Variants in POU2F1 observed in about 807,000 individuals in gnomAD.
POU2F1 encodes POU domain, class 2, transcription factor 1.
Under a neutral mutation model 84.9 loss-of-function variants are expected in POU2F1, and 16 were observed. The ratio of observed to expected loss-of-function variants is 0.19; its 90% CI spans 0.13 to 0.29. The LOEUF is 0.29. Ranked by LOEUF, POU2F1 falls within the 10% of genes least tolerant of loss-of-function variation. The pLI is 1.00. For synonymous variants in POU2F1, 368 were observed against 368.3 expected (o/e 1.00, Z 0.01); for missense variants, 738 against 942.6 (o/e 0.78, Z 2.84).
At chr1:167,382,889 A>G (rs924911787) in intron 7 of POU2F1, among the ~76,000 whole-genome samples, 1 of 152,182 alleles carries the variant, frequency 6.6e-6, no homozygotes, top group Non-Finnish European at 1.5e-5. Flanking sequence ...TAAATAAGTG[A>G]TAAATTCTAT....
chr1:167,361,612 G>T (rs1659354975), intron 2 of POU2F1, among the ~76,000 whole-genome samples: 1 of 152,144 alleles, frequency 6.6e-6, no homozygotes, highest in Non-Finnish European at 1.5e-5. Context: ...TGTTCATCTG[G>T]ATGTTGGCCT....
At position 167,360,903 on chromosome 1, in the gene POU2F1, T is replaced by C. The variant is rs559847432; in HGVS notation, c.128-4564T>C. Among the ~76,000 whole-genome samples the C allele has an allele frequency of 5.9e-5, 9 of 152,242 alleles. No homozygotes were observed. In the East Asian group the frequency reaches 1.7e-3, roughly 29 times the overall value. The stretch of plus-strand genomic sequence containing the variant: ...GTTTTATAGTACTCATAGATATCTT[T>C]CACCTCCTTGATTAGATGTATTCCT... On this transcript the variant is annotated intron_variant, in intron 2 of 15. Transcript: ENST00000367866.
intron 1 of POU2F1, among the ~76,000 whole-genome samples, chr1:167,268,926 A>G (rs1652170914): frequency 6.6e-6 from 1 of 152,218 alleles, no homozygotes; most frequent in Admixed American, 6.5e-5. Context: ...TAAAGTAATA[A>G]CTTTGATTTA....
intron 11 of POU2F1, 43 bp from the exon 12 acceptor site, chr1:167,399,143 T>C (rs756956189): frequency 1.3e-6 from 2 of 1,547,916 alleles, no homozygotes; most frequent in Non-Finnish European, 8.7e-7. Flanking sequence ...CAAAAAGTTA[T>C]TGCAAAGGAT....
chr1:167,308,070 CTTTT>C (rs1231393962), intron 1 of POU2F1, among the ~76,000 whole-genome samples: 1 of 138,212 alleles, frequency 7.2e-6, no homozygotes, highest in Admixed American at 7.2e-5. Flanking sequence ...TTATTTGTTT[CTTTT>C]TTTTTTTTTT....
chr1:167,327,893 A>G (rs1299749242), intron 1 of POU2F1, among the ~76,000 whole-genome samples: 2 of 152,164 alleles, frequency 1.3e-5, no homozygotes, highest in South Asian at 2.1e-4. Flanking sequence ...CCTTACTTTA[A>G]TAATATATAA....
At position 167,417,735 on chromosome 1, in the gene POU2F1, T is replaced by A. The variant is rs148664292; in HGVS notation, c.*1925T>A. The stretch of plus-strand genomic sequence containing the variant: ...GATTTTTATTCTGATTGCTTTTGTT[T>A]GTGTCCACAAGGGAGCTTGGATTCT... On this transcript the variant is annotated 3_prime_UTR_variant, in exon 16 of 16. Transcript: ENST00000367866. 2.6e-5 allele frequency: 4 copies of A among 152,324 alleles called. No homozygotes were observed. Among genetic ancestry groups the A allele is most frequent in the African/African-American group, 7.2e-5 (3 of 41,572 alleles). 9.4% of individuals were successfully genotyped at this position (152,324 alleles called of 1,614,324 possible).
At position 167,237,127 on chromosome 1, in the gene POU2F1, G is replaced by A. The variant is rs567314321; in HGVS notation, c.61+16169G>A. On this transcript the variant is annotated intron_variant, in intron 1 of 15. Coordinates refer to ENST00000367866, the MANE Select transcript of POU2F1 (RefSeq NM_002697.4). Reference sequence around the variant, plus strand: ...AACTTCTGAGTAGAGATGGCTTGATGGTGATGATACTTGTGAACTAGGGTT... The same window carrying A: ...AACTTCTGAGTAGAGATGGCTTGATAGTGATGATACTTGTGAACTAGGGTT... 6.6e-5 allele frequency among the ~76,000 whole-genome samples: 10 copies of A among 152,286 alleles called. No individual in the cohort carries two copies. In the East Asian group the frequency reaches 1.7e-3, roughly 26 times the overall value.
At chr1:167,262,946 A>G (rs1466312773) in intron 1 of POU2F1, among the ~76,000 whole-genome samples, 1 of 152,230 alleles carries the variant, frequency 6.6e-6, no homozygotes, top group Non-Finnish European at 1.5e-5. Flanking sequence ...AGTCTTAAAT[A>G]TCAGGCTAAG....
intron 2 of POU2F1, among the ~76,000 whole-genome samples, chr1:167,355,773 G>A (rs1342353557): frequency 6.6e-6 from 1 of 151,754 alleles, no homozygotes. Flanking sequence ...GGGATTATAA[G>A]TGCGAGCCTC....
chr1:167,236,404 ATCT>A (rs1339227085), intron 1 of POU2F1, among the ~76,000 whole-genome samples: 1 of 152,082 alleles, frequency 6.6e-6, no homozygotes, highest in Non-Finnish European at 1.5e-5. Context: ...CCCGGCCGAC[ATCT>A]TCTTATTAAA....
chr1:167,411,072 G>C (rs1294309998), intron 13 of POU2F1, among the ~76,000 whole-genome samples: 1 of 146,270 alleles, frequency 6.8e-6, no homozygotes, highest in South Asian at 2.1e-4. Flanking sequence ...ATGGAGTCTT[G>C]CTCTGTCGCC....
At chr1:167,270,565 CAGAG>C (rs780905480) in intron 1 of POU2F1, among the ~76,000 whole-genome samples, 2 of 152,254 alleles carry the variant, frequency 1.3e-5, no homozygotes, top group Admixed American at 1.3e-4. Flanking sequence ...GAGAGACAGA[CAGAG>C]AGTCAGACTT....
intron 1 of POU2F1, among the ~76,000 whole-genome samples, chr1:167,294,695 A>C (rs1410774738): frequency 2.6e-5 from 4 of 152,216 alleles, no homozygotes; most frequent in Non-Finnish European, 5.9e-5. Context: ...TCATCAGGGA[A>C]ATGCAAATTA....
At chr1:167,241,549 A>G (rs1649904787) in intron 1 of POU2F1, 3 of 152,224 alleles carry the variant, frequency 2.0e-5, no homozygotes, top group African/African-American at 7.2e-5. Flanking sequence ...AGGATTAATG[A>G]GCATACACCT....
intron 1 of POU2F1, among the ~76,000 whole-genome samples, chr1:167,268,995 A>G: frequency 6.6e-6 from 1 of 152,216 alleles, no homozygotes; most frequent in East Asian, 1.9e-4. Flanking sequence ...GTGGGAATAA[A>G]TTTAATTGCT....
Position 167,376,063 on chromosome 1 carries a change from A to G in POU2F1, c.626A>G (p.Asn209Ser), listed in dbSNP as rs1221721376. ...LQQLQQLQQQNLNLQQFVLVH... is the reference protein window; with the variant it reads ...LQQLQQLQQQSLNLQQFVLVH... The stretch of plus-strand genomic sequence containing the variant: ...CAACTGCAACAGCTTCAACAGCAGA[A>G]TCTCAACCTGCAACAGTTTGTGTTG... Residue 209 changes from asparagine to serine, a missense_variant, in exon 7 of 16, where the codon AAT becomes AGT. Around this residue, in one of 4 missense-constraint regions of POU2F1, gnomAD observed 163 missense variants for 214.4 expected, o/e 0.76. Coordinates refer to ENST00000367866, the MANE Select transcript of POU2F1 (RefSeq NM_002697.4). 3 of 1,614,214 alleles carry G rather than the reference A, an allele frequency of 1.9e-6. No homozygotes were observed. Among genetic ancestry groups the G allele is most frequent in the Non-Finnish European group, 8.5e-7 (1 of 1,180,016 alleles).
intron 1 of POU2F1, among the ~76,000 whole-genome samples, chr1:167,283,800 G>C (rs1220491531): frequency 6.6e-6 from 1 of 152,098 alleles, no homozygotes; most frequent in Non-Finnish European, 1.5e-5. Context: ...GGTCTTCTGT[G>C]TTTTCCATTA....
intron 1 of POU2F1, among the ~76,000 whole-genome samples, chr1:167,275,726 C>A (rs1208953446): frequency 6.6e-6 from 1 of 152,092 alleles, no homozygotes; most frequent in Non-Finnish European, 1.5e-5. Flanking sequence ...TTCTACCACC[C>A]CCTGCCCAAA....
Sources: gnomAD v4.1 joint callset for allele counts (sites outside exome capture counted in the v4.1 genomes callset) on GRCh38, gnomAD v4.1.1 for gene constraint, gnomAD v4.1.1 regional missense constraint, MANE v1.5 for transcripts, NCBI Gene and HGNC (gene_info 2026-07-23, HGNC 2026-07-21) for gene names.